The following IGF1R variants were observed in gnomAD, a reference collection of about 807,000 sequenced individuals.
IGF1R encodes the protein insulin-like growth factor 1 receptor.
A neutral mutation model predicts 144.6 loss-of-function variants in IGF1R; 44 were observed. That is an observed-to-expected ratio of 0.30 (90% CI 0.24 to 0.39). The LOEUF (loss-of-function observed/expected upper bound fraction) is 0.39, where lower values mean the gene tolerates loss of function less well. Among genes scored for constraint, IGF1R ranks in the 10% least tolerant of loss-of-function variants. The pLI is 1.00. For synonymous variants in IGF1R, 795 were observed against 722.8 expected (o/e 1.10, Z -1.60); for missense variants, 1,355 against 1,833.7 (o/e 0.74, Z 4.77).
chr15:98,649,520 CTTTTCTTTTTT>C lies in IGF1R; in HGVS notation c.-57_-47del, dbSNP rs1195875757. The C allele has an allele frequency of 8.5e-5, 73 of 858,074 alleles. No individual in the cohort carries two copies. Among genetic ancestry groups the C allele is most frequent in the Non-Finnish European group, 1.1e-4 (64 of 588,950 alleles). 53.2% of individuals were successfully genotyped at this position (858,074 alleles called of 1,614,324 possible). A position where few individuals can be genotyped will look rare whatever the true frequency, so the allele number is the denominator to read the frequency against. ...TCCTTTCATTTCCTTTTTTTCTTTT[CTTTTCTTTTTT>C]TTTTTTTTTTTTTTTTTTGAGAAAG... On this transcript the variant is annotated 5_prime_UTR_variant, in exon 1 of 21. Transcript: ENST00000650285.
At chr15:98,744,856 C>G (rs2054827813) in intron 2 of IGF1R, among the ~76,000 whole-genome samples, 2 of 151,972 alleles carry the variant, frequency 1.3e-5, no homozygotes, top group Admixed American at 1.3e-4. Flanking sequence ...CTACCATTCT[C>G]CTCATTTGAT....
rs148896245 is a variant in IGF1R, at chr15:98,727,650, C to T, written c.640+19543C>T. 6.2e-3 allele frequency among the ~76,000 whole-genome samples: 946 copies of T among 152,304 alleles called. 9 individuals carry two copies. Among genetic ancestry groups the T allele is most frequent in the Non-Finnish European group, 8.3e-3 (567 of 68,030 alleles). ...CCTTGGACAGCCTCCCCAGCTTCTC[C>T]TGCATTATACCCAGGGGCTGGAGGG... is the stretch of plus-strand genomic sequence containing the variant. On this transcript the variant is annotated intron_variant, in intron 2 of 20. Coordinates refer to ENST00000650285, the MANE Select transcript of IGF1R (RefSeq NM_000875.5).
intron 13 of IGF1R, among the ~76,000 whole-genome samples, chr15:98,924,899 C>T (rs1478405437): frequency 2.6e-5 from 4 of 151,496 alleles, no homozygotes; most frequent in African/African-American, 9.7e-5. Context: ...CCTCATGTGG[C>T]AGGAAGGGAG....
At position 98,916,889 on chromosome 15, in the gene IGF1R, T is replaced by C. The variant is rs1308111394; in HGVS notation, c.2201+13T>C. 1.2e-6 allele frequency: 2 copies of C among 1,613,156 alleles called. No homozygotes were observed. The highest frequency in any genetic ancestry group is 2.7e-5 in the African/African-American group (2 of 74,890). On this transcript the variant is annotated intron_variant, in intron 10 of 20. Transcript: ENST00000650285. The stretch of plus-strand genomic sequence containing the variant: ...TCTTCGTGCCCAGGTACCCAGCTCA[T>C]GTGAAATTTCAGTTGGCAAAACCCA...
At chr15:98,880,964 G>C (rs2037447) in intron 2 of IGF1R, 151,961 of 152,394 alleles carry the variant, frequency 1, 75,766 homozygotes, top group Middle Eastern at 1. Flanking sequence ...ACAAGTCTTA[G>C]TAATGAGATT....
intron 2 of IGF1R, among the ~76,000 whole-genome samples, chr15:98,886,605 A>AGG (rs1347917980): frequency 6.6e-6 from 1 of 152,140 alleles, no homozygotes; most frequent in African/African-American, 2.4e-5. Context: ...GCCAGAGAAG[A>AGG]GGGTCCCTTC....
At chr15:98,671,658 A>G (rs2052895948) in intron 1 of IGF1R, among the ~76,000 whole-genome samples, 1 of 152,244 alleles carries the variant, frequency 6.6e-6, no homozygotes, top group South Asian at 2.1e-4. Context: ...ACTACATAAA[A>G]GAGCCAGGAT....
At position 98,891,735 on chromosome 15, in the gene IGF1R, G is replaced by A; in HGVS notation, c.953+98G>A. 3 of 1,248,570 alleles carry A rather than the reference G, an allele frequency of 2.4e-6. No individual in the cohort carries two copies. The highest frequency in any genetic ancestry group is 3.4e-6 in the Non-Finnish European group (3 of 883,856). The allele number at this position is 1,248,570 out of a possible 1,614,324, so 77.3% of individuals were successfully genotyped here. ...CTGTCGGTTGTTTCATCCGGGTGCA[G>A]CCCTCAGGAAGTTCACTGAGGTGGG... On this transcript the variant is annotated intron_variant, in intron 3 of 20. Transcript: ENST00000650285. The surrounding 1 kb of genome is among the most constrained non-coding windows in gnomAD (Gnocchi z 4.7).
intron 2 of IGF1R, among the ~76,000 whole-genome samples, chr15:98,754,650 A>G (rs571896839): frequency 1.3e-5 from 2 of 152,296 alleles, no homozygotes; most frequent in South Asian, 4.2e-4. Flanking sequence ...AACCACAGGG[A>G]GGGAAGTTTT....
At chr15:98,953,279 C>T (rs549986650) in intron 20 of IGF1R, among the ~76,000 whole-genome samples, 1 of 152,284 alleles carries the variant, frequency 6.6e-6, no homozygotes, top group South Asian at 2.1e-4. Context: ...AGAGGAAGGA[C>T]TCCGTGGTCC....
chr15:98,725,655 C>G (rs2054340424), intron 2 of IGF1R, among the ~76,000 whole-genome samples: 1 of 152,178 alleles, frequency 6.6e-6, no homozygotes. Flanking sequence ...ACCCCACTCC[C>G]CGTCTGGATT....
chr15:98,804,237 T>C (rs2056424465), intron 2 of IGF1R, among the ~76,000 whole-genome samples: 1 of 152,246 alleles, frequency 6.6e-6, no homozygotes, highest in Admixed American at 6.5e-5. Flanking sequence ...ATATATTTAT[T>C]ACACTATTAT....
At chr15:98,818,790 CAG>C (rs1479201992) in intron 2 of IGF1R, among the ~76,000 whole-genome samples, 1 of 133,090 alleles carries the variant, frequency 7.5e-6, no homozygotes, top group South Asian at 2.7e-4. Flanking sequence ...TAGACATTGA[CAG>C]ATGTTAACCT....
At chr15:98,855,918 C>T (rs2011786780) in intron 2 of IGF1R, among the ~76,000 whole-genome samples, 1 of 152,212 alleles carries the variant, frequency 6.6e-6, no homozygotes, top group African/African-American at 2.4e-5. Flanking sequence ...GCTGGTGCAG[C>T]TGGTCAGTTT....
Position 98,923,945 on chromosome 15 carries a change from G to A in IGF1R, c.2555G>A (p.Trp852Ter), listed in dbSNP as rs1218841820. Reference sequence around the variant, plus strand: ...CCTGAAAACTCCATCTTTTTAAAGTGGCCGGAACCTGAGAATCCCAATGGA... The same window carrying A: ...CCTGAAAACTCCATCTTTTTAAAGTAGCCGGAACCTGAGAATCCCAATGGA... ...PRPENSIFLK[W>*]PEPENPNGLI... Residue 852 changes from tryptophan to a stop codon, truncating the protein, a stop_gained, in exon 12 of 21, where the codon TGG becomes TAG. Transcript: ENST00000650285. LOFTEE classifies it high-confidence loss of function. 1 of 1,613,672 alleles carries A rather than the reference G, an allele frequency of 6.2e-7. No homozygotes were observed. Among genetic ancestry groups the A allele is most frequent in the Non-Finnish European group, 8.5e-7 (1 of 1,179,538 alleles).
At chr15:98,717,896 C>A (rs978573218) in intron 2 of IGF1R, among the ~76,000 whole-genome samples, 10 of 152,278 alleles carry the variant, frequency 6.6e-5, no homozygotes, top group South Asian at 2.1e-4. Flanking sequence ...ACCATCTGCT[C>A]CAGGATGAAG....
intron 1 of IGF1R, among the ~76,000 whole-genome samples, chr15:98,705,467 C>T (rs1194438993): frequency 6.6e-6 from 1 of 152,160 alleles, no homozygotes; most frequent in African/African-American, 2.4e-5. Flanking sequence ...TTGACTTCCC[C>T]AAATCTGTTT....
chr15:98,956,289 C>G (rs1019703421), intron 20 of IGF1R, among the ~76,000 whole-genome samples: 1 of 152,258 alleles, frequency 6.6e-6, no homozygotes, highest in African/African-American at 2.4e-5. Flanking sequence ...CAAGCGTCAT[C>G]CTGTTCTGCC....
In IGF1R at chr15:98,878,663, C is replaced by CAAAAAAA. The variant is rs138285597; in HGVS notation, c.641-12636_641-12630dup. ...TCTCTCTTCTTATTTGTGAAAGACT[C>CAAAAAAA]AAAAAAAAAAAAAAAAAAAAAAAAA... On this transcript the variant is annotated intron_variant, in intron 2 of 20. Transcript: ENST00000650285. 3.0e-3 allele frequency among the ~76,000 whole-genome samples: 174 copies of CAAAAAAA among 57,856 alleles called. 7 individuals are homozygous for CAAAAAAA. The highest frequency in any genetic ancestry group is 9.6e-3 in the African/African-American group (92 of 9,604). 38.0% of individuals were successfully genotyped at this position (57,856 alleles called of 152,430 possible).
Sources: allele counts gnomAD v4.1 joint callset (sites outside exome capture counted in the v4.1 genomes callset), GRCh38; gene constraint gnomAD v4.1.1; non-coding constraint Gnocchi (gnomAD v3.1); transcripts MANE v1.5; gene names NCBI Gene and HGNC (gene_info 2026-07-23, HGNC 2026-07-21).